The following KIF5C variants were observed in gnomAD, a reference collection of about 807,000 sequenced individuals.
The protein encoded by KIF5C is kinesin heavy chain isoform 5C.
KIF5C carries 18 observed loss-of-function variants against 125.2 expected under a neutral mutation model. That is an observed-to-expected ratio of 0.14 (90% CI 0.10 to 0.21). KIF5C has a LOEUF of 0.21. KIF5C is among the 10% of genes least tolerant of loss of function. The pLI, the probability that KIF5C is intolerant of heterozygous loss-of-function variation, is 1.00. For synonymous variants in KIF5C, 405 were observed against 434.0 expected, an observed-to-expected ratio of 0.93 and a Z score of 0.83; for missense variants, 780 against 1,183.8, an observed-to-expected ratio of 0.66 and a Z score of 5.01.
At chr2:149,019,265 T>C (rs1682459177) in intron 25 of KIF5C, among the ~76,000 whole-genome samples, 1 of 152,130 alleles carries the variant, frequency 6.6e-6, no homozygotes, top group Admixed American at 6.5e-5. Context: ...CACAGGCTTG[T>C]CTGGGATTGA....
At chr2:149,004,405 G>T (rs1199725366) in intron 21 of KIF5C, among the ~76,000 whole-genome samples, 1 of 152,190 alleles carries the variant, frequency 6.6e-6, no homozygotes, top group Non-Finnish European at 1.5e-5. Context: ...TATTTTGCAA[G>T]GAACTGATCA....
chr2:148,969,422 AGT>A (rs151238332), intron 11 of KIF5C, among the ~76,000 whole-genome samples: 2,196 of 141,276 alleles, frequency 0.016, 25 homozygotes, highest in African/African-American at 0.03. Flanking sequence ...GAAGGTTTCC[AGT>A]GTGTGTGTGT....
chr2:148,990,900 T>C, intron 15 of KIF5C, 110 bp from the exon 16 acceptor site: 1 of 1,444,312 alleles, frequency 6.9e-7, no homozygotes, highest in Non-Finnish European at 9.2e-7. Context: ...ATTAGGATTC[T>C]GAACCAGAAA....
At chr2:148,912,516 T>C (rs1681381092) in intron 1 of KIF5C, among the ~76,000 whole-genome samples, 1 of 152,234 alleles carries the variant, frequency 6.6e-6, no homozygotes, top group South Asian at 2.1e-4. Flanking sequence ...ATGATCGTAG[T>C]TCACTGAAGC....
chr2:148,882,809 C>T (rs1681404199), intron 1 of KIF5C, among the ~76,000 whole-genome samples: 1 of 152,210 alleles, frequency 6.6e-6, no homozygotes, highest in Non-Finnish European at 1.5e-5. Context: ...CTGTACTTTG[C>T]CCTTCCCCAG....
chr2:148,879,524 A>G (rs1681288002), intron 1 of KIF5C: 1 of 129,138 alleles, frequency 7.7e-6, no homozygotes, highest in Non-Finnish European at 1.6e-5. Flanking sequence ...AGAGCTAAAG[A>G]TGCTGATGGT....
At chr2:148,914,211 A>C (rs1033442628) in intron 1 of KIF5C, among the ~76,000 whole-genome samples, 1 of 152,024 alleles carries the variant, frequency 6.6e-6, no homozygotes, top group Non-Finnish European at 1.5e-5. Context: ...TTTTCCTCCT[A>C]CCCCCTGTAG....
In KIF5C at chr2:149,024,571, A is replaced by C. The variant is rs1157864976; in HGVS notation, c.*1501A>C. ...GTGTGTGTGTGTGTGTATGTGTGTA[A>C]AGTGCTAAGAACTGTGCATTGACAT... On this transcript the variant is annotated 3_prime_UTR_variant, in exon 26 of 26. Coordinates refer to ENST00000435030, the MANE Select transcript of KIF5C (RefSeq NM_004522.3). 3.5e-5 allele frequency: 5 copies of C among 142,744 alleles called. No homozygotes were observed. Among genetic ancestry groups the C allele is most frequent in the Middle Eastern group, 3.4e-3 (1 of 292 alleles). The allele number at this position is 142,744 out of a possible 1,614,324, so 8.8% of individuals were successfully genotyped here.
At chr2:148,919,946 G>T (rs967258543) in intron 1 of KIF5C, among the ~76,000 whole-genome samples, 1 of 152,090 alleles carries the variant, frequency 6.6e-6, no homozygotes, top group Non-Finnish European at 1.5e-5. Context: ...TTAACTTTAG[G>T]TTATGAAGAA....
At chr2:148,940,815 G>C (rs568550279) in intron 4 of KIF5C, among the ~76,000 whole-genome samples, 5 of 152,242 alleles carry the variant, frequency 3.3e-5, no homozygotes, top group Non-Finnish European at 7.4e-5. Flanking sequence ...CTAGGGTCTT[G>C]GTTATGTGTG....
chr2:148,983,388 A>C (rs1011123134), intron 14 of KIF5C, among the ~76,000 whole-genome samples: 2 of 152,258 alleles, frequency 1.3e-5, no homozygotes, highest in African/African-American at 4.8e-5. Context: ...GGAAATTGTC[A>C]TCTGATATGT....
chr2:148,890,155 A>G (rs529668855), intron 1 of KIF5C, among the ~76,000 whole-genome samples: 5 of 152,328 alleles, frequency 3.3e-5, no homozygotes, highest in African/African-American at 7.2e-5. Flanking sequence ...ATACCTATTT[A>G]TAAGCTATAA....
At chr2:148,884,946 C>T (rs1025930991) in intron 1 of KIF5C, among the ~76,000 whole-genome samples, 4 of 151,280 alleles carry the variant, frequency 2.6e-5, no homozygotes, top group Non-Finnish European at 5.9e-5. Flanking sequence ...GCCTATCCCC[C>T]CCTCACAATG....
chr2:148,943,346 C>T (rs73009503), intron 7 of KIF5C, among the ~76,000 whole-genome samples: 2 of 152,130 alleles, frequency 1.3e-5, no homozygotes, highest in African/African-American at 2.4e-5. Context: ...CATTGCATCT[C>T]AGGGAAGCAG....
chr2:148,928,521 A>G (rs1186396087), intron 2 of KIF5C, among the ~76,000 whole-genome samples: 1 of 152,222 alleles, frequency 6.6e-6, no homozygotes, highest in Non-Finnish European at 1.5e-5. Context: ...CTCTTCAGCA[A>G]AAAGCAGCCT....
At chr2:148,987,840 C>T (rs1681423246) in intron 15 of KIF5C, among the ~76,000 whole-genome samples, 1 of 152,106 alleles carries the variant, frequency 6.6e-6, no homozygotes, top group Non-Finnish European at 1.5e-5. Context: ...TCTTTTTGTC[C>T]CATTCTAACT....
intron 19 of KIF5C, 163 bp from the exon 20 acceptor site, chr2:149,000,260 A>C (rs1214846633): frequency 1.3e-6 from 1 of 749,512 alleles, no homozygotes; most frequent in Non-Finnish European, 2.0e-6. Flanking sequence ...TCACTTGGGC[A>C]CGGAGGAAGC....
chr2:148,893,827 AT>A (rs1361635081), intron 1 of KIF5C, among the ~76,000 whole-genome samples: 1 of 152,206 alleles, frequency 6.6e-6, no homozygotes, highest in Non-Finnish European at 1.5e-5. Context: ...ACCTCCCTAC[AT>A]CCCATTATCG....
rs1187934000 is a variant in KIF5C at position 148,929,333 on chromosome 2, A to G, written c.270A>G (p.Ser90=). 5 of 1,535,338 alleles carry G rather than the reference A, an allele frequency of 3.3e-6. No individual in the cohort carries two copies. The highest frequency in any genetic ancestry group is 4.4e-6 in the Non-Finnish European group (5 of 1,145,156). Residue 90 remains serine, a synonymous_variant, in exon 3 of 26, where the codon TCA becomes TCG. Coordinates refer to ENST00000435030, the MANE Select transcript of KIF5C (RefSeq NM_004522.3). ...GTIFAYGQTS[S]GKTHTMEGKL... ...TTTTTGCGTATGGGCAGACTTCATC[A>G]GGAAAAACCCACACCATGGAGGTAA...
Sources: gnomAD v4.1 joint callset for allele counts (sites outside exome capture counted in the v4.1 genomes callset) on GRCh38, gnomAD v4.1.1 for gene constraint, MANE v1.5 for transcripts, NCBI Gene and HGNC (gene_info 2026-07-23, HGNC 2026-07-21) for gene names.